Variants in PPP4R2 observed in about 807,000 individuals in gnomAD.
PPP4R2 encodes the protein protein phosphatase 4 regulatory subunit 2.
PPP4R2 carries 13 observed loss-of-function variants against 47.2 expected under a neutral mutation model. That is an observed-to-expected ratio of 0.28 (90% confidence interval 0.18 to 0.44). The LOEUF (loss-of-function observed/expected upper bound fraction) is 0.44. PPP4R2 is among the 20% of genes least tolerant of loss of function. The probability of loss-of-function intolerance (pLI) is 1.00; values close to 1 mark genes in which losing one functional copy is unlikely to be tolerated. For synonymous variants in PPP4R2, 151 were observed against 163.3 expected (o/e 0.92, Z 0.57); for missense variants, 421 against 491.2 (o/e 0.86, Z 1.35).
At chr3:73,031,673 T>G (rs1038863185) in intron 2 of PPP4R2, among the ~76,000 whole-genome samples, 2 of 152,232 alleles carry the variant, frequency 1.3e-5, no homozygotes, top group Non-Finnish European at 2.9e-5. Context: ...TAAAGTGCCT[T>G]TAGAAGTATT....
rs1703019707 is a variant in PPP4R2, at chr3:73,067,363, A to G, written c.*1641A>G. ...CACAAGTTTTGCGTTTTGACTACTT[A>G]AATCATCATGGCTATAAATACCAAA... On this transcript the variant is annotated 3_prime_UTR_variant, in exon 9 of 9. Coordinates refer to ENST00000356692, the MANE Select transcript of PPP4R2 (RefSeq NM_174907.4). 6.6e-6 allele frequency: 1 copy of G among 152,142 alleles called. No homozygotes were observed. The allele number at this position is 152,142 out of a possible 1,614,324, so 9.4% of individuals were successfully genotyped here. A position where few individuals can be genotyped will look rare whatever the true frequency, so the allele number is the denominator to read the frequency against.
intron 4 of PPP4R2, among the ~76,000 whole-genome samples, 169 bp downstream of exon 4, chr3:73,059,299 A>AT (rs1346732635): frequency 6.6e-6 from 1 of 152,104 alleles, no homozygotes; most frequent in East Asian, 1.9e-4. Context: ...TTACAGAGAG[A>AT]TTTAATAGGA....
At position 73,062,270 on chromosome 3, in the gene PPP4R2, C is replaced by T. The variant is rs373449895; in HGVS notation, c.419+1210C>T. ...CACAGCCCAGCAGCCCAGGAGATGA[C>T]GCAATGGACAGGAGTGGGCTCCCTG... On this transcript the variant is annotated intron_variant, in intron 5 of 8. Coordinates refer to ENST00000356692, the MANE Select transcript of PPP4R2 (RefSeq NM_174907.4). 8.4e-5 allele frequency: 135 copies of T among 1,604,160 alleles called. 2 individuals are homozygous for T. The highest frequency in any genetic ancestry group is 1.2e-4 in the South Asian group (11 of 89,142).
In PPP4R2 at chr3:73,066,577, C is replaced by CT. The variant is rs1231075044; in HGVS notation, c.*856dup. On this transcript the variant is annotated 3_prime_UTR_variant, in exon 9 of 9. Coordinates refer to ENST00000356692, the MANE Select transcript of PPP4R2 (RefSeq NM_174907.4). ...GAAATTGTGTTCAAATGTTAGCTTACTATTTTGTAGAATGAATGTTTATGA... is the reference window on the plus strand; with the variant it reads ...GAAATTGTGTTCAAATGTTAGCTTACTTATTTTGTAGAATGAATGTTTATGA... 6.6e-6 allele frequency: 1 copy of CT among 152,034 alleles called. No homozygotes were observed. Among genetic ancestry groups the CT allele is most frequent in the East Asian group, 1.9e-4 (1 of 5,194 alleles). The allele number at this position is 152,034 out of a possible 1,614,324, so 9.4% of individuals were successfully genotyped here. A position where few individuals can be genotyped will look rare whatever the true frequency, so the allele number is the denominator to read the frequency against.
Position 73,065,112 on chromosome 3 carries a change from A to T in PPP4R2, c.899A>T (p.Asp300Val), listed in dbSNP as rs2107349771. The T allele has an allele frequency of 6.2e-7, 1 of 1,610,610 alleles. No homozygotes were observed. The highest frequency in any genetic ancestry group is 1.7e-5 in the Admixed American group (1 of 59,662). The change falls in exon 8 of 9, where the codon GAT (aspartate) becomes GTT (valine). Residue 300 changes from aspartate (D) to valine (V), a missense_variant. Transcript: ENST00000356692. ...RCTRQHCTEE[D>V]EEEDEEEEEE... ...ACCCGGCAGCACTGTACAGAAGAGG[A>T]TGAAGAAGAGGATGAAGAGGAAGAA...
intron 7 of PPP4R2, 96 bp downstream of exon 7, chr3:73,064,242 G>A: frequency 1.8e-6 from 2 of 1,093,606 alleles, no homozygotes; most frequent in Non-Finnish European, 2.6e-6. Flanking sequence ...AGTTCTGAGG[G>A]ACAGAACAAG....
chr3:73,048,243 TTTG>T lies in PPP4R2; in HGVS notation c.287+890_287+892del, dbSNP rs570787411. ...ATTTTAAATTCTATTTTTGTAGGAC[TTTG>T]TTTTTTGTTTTATTTTGTTTTGTTT... On this transcript the variant is annotated intron_variant, in intron 3 of 8. Transcript: ENST00000356692. Among the ~76,000 whole-genome samples, 102 of 152,070 alleles carry T rather than the reference TTTG, an allele frequency of 6.7e-4. 1 individual carries two copies. Among genetic ancestry groups the T allele is most frequent in the Non-Finnish European group, 9.7e-4 (66 of 67,992 alleles).
chr3:73,043,955 A>C (rs1702432194), intron 2 of PPP4R2, among the ~76,000 whole-genome samples: 1 of 152,234 alleles, frequency 6.6e-6, no homozygotes, highest in African/African-American at 2.4e-5. Flanking sequence ...TAAATTGACT[A>C]TTCTTGATAG....
chr3:73,049,317 T>C (rs980577857), intron 3 of PPP4R2, among the ~76,000 whole-genome samples: 1 of 151,970 alleles, frequency 6.6e-6, no homozygotes, highest in Non-Finnish European at 1.5e-5. Flanking sequence ...GCTAACACGG[T>C]GAAACCCCGT....
intron 2 of PPP4R2, among the ~76,000 whole-genome samples, chr3:73,013,885 C>A (rs923995117): frequency 6.6e-6 from 1 of 152,190 alleles, no homozygotes; most frequent in Non-Finnish European, 1.5e-5. Flanking sequence ...AGTTGATCCG[C>A]CTGCCTTGGC....
intron 2 of PPP4R2, among the ~76,000 whole-genome samples, chr3:73,031,716 A>G (rs934902177): frequency 6.6e-6 from 1 of 152,132 alleles, no homozygotes; most frequent in African/African-American, 2.4e-5. Context: ...TATAAGCCCA[A>G]GCATCTTACT....
chr3:73,011,185 T>A (rs1390445744), intron 2 of PPP4R2, among the ~76,000 whole-genome samples: 1 of 152,190 alleles, frequency 6.6e-6, no homozygotes, highest in African/African-American at 2.4e-5. Context: ...ACTGTTAGAA[T>A]GCGGAGCTTT....
chr3:73,017,644 A>G (rs747543888), intron 2 of PPP4R2, among the ~76,000 whole-genome samples: 3 of 151,994 alleles, frequency 2.0e-5, no homozygotes, highest in Non-Finnish European at 4.4e-5. Flanking sequence ...TGTATGCATC[A>G]TATATATGCA....
chr3:73,034,417 T>C (rs746510683), intron 2 of PPP4R2, among the ~76,000 whole-genome samples: 1 of 152,254 alleles, frequency 6.6e-6, no homozygotes, highest in Non-Finnish European at 1.5e-5. Flanking sequence ...TCCTACCAGT[T>C]AGTGGACACA....
At chr3:73,042,819 T>G (rs1334920133) in intron 2 of PPP4R2, among the ~76,000 whole-genome samples, 1 of 152,170 alleles carries the variant, frequency 6.6e-6, no homozygotes, top group Non-Finnish European at 1.5e-5. Flanking sequence ...TTGATCTAAT[T>G]TAGAGTAACT....
At chr3:73,063,425 G>T (rs1229300250) in intron 5 of PPP4R2, 2 of 360,602 alleles carry the variant, frequency 5.5e-6, no homozygotes, top group South Asian at 3.1e-5. Flanking sequence ...TGAGTTTGAG[G>T]CTAGCCTGGC....
chr3:73,051,302 T>G (rs1702607296), intron 3 of PPP4R2, among the ~76,000 whole-genome samples: 2 of 152,226 alleles, frequency 1.3e-5, no homozygotes, highest in African/African-American at 4.8e-5. Context: ...GCTGCAAAAT[T>G]GACTTAGCAA....
intron 3 of PPP4R2, 150 bp from the exon 4 acceptor site, chr3:73,058,887 G>A: frequency 3.8e-6 from 1 of 261,264 alleles, no homozygotes; most frequent in South Asian, 5.1e-5. Context: ...TTTTTTAAAT[G>A]ACTCATCCAT....
At chr3:73,011,493 A>T (rs931473965) in intron 2 of PPP4R2, among the ~76,000 whole-genome samples, 2 of 150,738 alleles carry the variant, frequency 1.3e-5, no homozygotes, top group African/African-American at 2.4e-5. Context: ...AAAAAAAAAA[A>T]TTTGGAGCTT....
Sources: allele counts gnomAD v4.1 joint callset (sites outside exome capture counted in the v4.1 genomes callset), GRCh38; gene constraint gnomAD v4.1.1; transcripts MANE v1.5; gene names NCBI Gene and HGNC (gene_info 2026-07-23, HGNC 2026-07-21).